PDE10A: variants seen among roughly 807,000 people sequenced by gnomAD.
PDE10A encodes cAMP and cAMP-inhibited cGMP 3',5'-cyclic phosphodiesterase 10A.
Under a neutral mutation model 97.7 loss-of-function variants are expected in PDE10A, and 39 were observed. The ratio of observed to expected loss-of-function variants is 0.40; its 90% CI spans 0.31 to 0.52. The LOEUF is 0.52. Among genes scored for constraint, PDE10A ranks in the 20% least tolerant of loss-of-function variants. PDE10A has a pLI of 0.56. For missense variants in PDE10A, 731 were observed against 1,047.8 expected (o/e 0.70, Z 4.17); for synonymous variants, 371 against 376.8 (o/e 0.98, Z 0.18).
At chr6:165,735,010 T>TAGATAGATAATAGGGAGGTAGAC (rs1348381129) in intron 1 of PDE10A, among the ~76,000 whole-genome samples, 4 of 131,414 alleles carry the variant, frequency 3.0e-5, no homozygotes, top group South Asian at 2.1e-4. Flanking sequence ...GGTAGGTAGG[T>TAGATAGATAATAGGGAGGTAGAC]AGATAGGTAG....
chr6:165,500,786 T>C lies in PDE10A; in HGVS notation c.995-18443A>G, dbSNP rs148088659. 7.0e-3 allele frequency among the ~76,000 whole-genome samples: 1,060 copies of C among 152,170 alleles called. 3 individuals carry two copies. Among genetic ancestry groups the C allele is most frequent in the Middle Eastern group, 0.01 (3 of 294 alleles). Reference sequence around the variant, plus strand: ...GGCAATAGAATGTCTCCAGGGGCAATAGAATGTCTCGGTGTAAAACCCGAT... The same window carrying C: ...GGCAATAGAATGTCTCCAGGGGCAACAGAATGTCTCGGTGTAAAACCCGAT... On this transcript the variant is annotated intron_variant, in intron 2 of 21. Transcript: ENST00000539869.
intron 2 of PDE10A, among the ~76,000 whole-genome samples, chr6:165,516,987 A>C (rs607078): frequency 0.59 from 89,765 of 151,812 alleles, 31,038 homozygotes; most frequent in Non-Finnish European, 0.75. Context: ...TAAAAAGTAC[A>C]ACCTTATATT....
intron 17 of PDE10A, among the ~76,000 whole-genome samples, chr6:165,384,609 C>CGTGT (rs1246259959): frequency 7.0e-6 from 1 of 141,866 alleles, no homozygotes; most frequent in African/African-American, 2.8e-5. Flanking sequence ...CCATGAGTAA[C>CGTGT]GTGTGTGTGT....
At chr6:165,596,163 G>A (rs991123596) in intron 1 of PDE10A, among the ~76,000 whole-genome samples, 8 of 152,166 alleles carry the variant, frequency 5.3e-5, no homozygotes, top group Non-Finnish European at 1.2e-4. Context: ...CTGAAACCCT[G>A]AAGCCATCAT....
chr6:165,770,022 T>C (rs1339555835), intron 1 of PDE10A, among the ~76,000 whole-genome samples: 1 of 152,190 alleles, frequency 6.6e-6, no homozygotes, highest in Non-Finnish European at 1.5e-5. Flanking sequence ...AAGACAGATG[T>C]ACTAACATCT....
At position 165,588,295 on chromosome 6, in the gene PDE10A, T is replaced by TC. The variant is rs1786043674; in HGVS notation, c.866-44728_866-44727insG. Among the ~76,000 whole-genome samples, 2 of 147,148 alleles carry TC rather than the reference T, an allele frequency of 1.4e-5. 1 individual carries two copies. The highest frequency in any genetic ancestry group is 4.4e-4 in the South Asian group (2 of 4,574). On this transcript the variant is annotated intron_variant, in intron 1 of 21. Coordinates refer to ENST00000539869, the MANE Select transcript of PDE10A (RefSeq NM_001385079.1). ...GATTTTTTTTTCTTTTTTTTTTTTTTTTTTTTTTTTTTGAGATGGAGTTTT... is the reference window on the plus strand; with the variant it reads ...GATTTTTTTTTCTTTTTTTTTTTTTTCTTTTTTTTTTTTGAGATGGAGTTTT...
chr6:165,691,371 T>C (rs555672637), intron 1 of PDE10A, among the ~76,000 whole-genome samples: 1 of 152,078 alleles, frequency 6.6e-6, no homozygotes, highest in East Asian at 1.9e-4. Flanking sequence ...GCCTACAGAT[T>C]CAGTAAAGTC....
At chr6:165,359,631 C>T (rs1005416042) in intron 18 of PDE10A, among the ~76,000 whole-genome samples, 4 of 152,128 alleles carry the variant, frequency 2.6e-5, no homozygotes, top group African/African-American at 9.7e-5. Context: ...GATTTCCAGT[C>T]CTTCCCTGCT....
chr6:165,939,774 A>T (rs1319518578), intron 1 of PDE10A: 1 of 152,222 alleles, frequency 6.6e-6, no homozygotes, highest in Non-Finnish European at 1.5e-5. Flanking sequence ...TTTTAAGCTT[A>T]CACAACTCCT....
At chr6:165,373,667 G>T (rs1253343968) in intron 18 of PDE10A, among the ~76,000 whole-genome samples, 1 of 152,152 alleles carries the variant, frequency 6.6e-6, no homozygotes, top group East Asian at 1.9e-4. Flanking sequence ...GTGGAAGTCA[G>T]TGTGGCGATT....
intron 13 of PDE10A, among the ~76,000 whole-genome samples, chr6:165,412,755 GTTTCTCTAATTGA>G (rs1787970408): frequency 6.6e-6 from 1 of 152,102 alleles, no homozygotes; most frequent in Admixed American, 6.6e-5. Context: ...CAAAAAAGCA[GTTTCTCTAATTGA>G]TTAAGGGGGC....
chr6:165,809,946 T>C (rs1299718458), intron 1 of PDE10A, among the ~76,000 whole-genome samples: 1 of 152,136 alleles, frequency 6.6e-6, no homozygotes, highest in Non-Finnish European at 1.5e-5. Context: ...TATGATAAAT[T>C]CGCTCTGTGC....
intron 1 of PDE10A, among the ~76,000 whole-genome samples, chr6:165,783,578 T>C (rs1273353996): frequency 2.9e-5 from 3 of 103,090 alleles, no homozygotes; most frequent in African/African-American, 1.1e-4. Context: ...TGTTTTCTTA[T>C]GAAAGGAAAC....
At chr6:165,824,363 T>G in intron 1 of PDE10A, among the ~76,000 whole-genome samples, 1 of 152,242 alleles carries the variant, frequency 6.6e-6, no homozygotes, top group East Asian at 1.9e-4. Flanking sequence ...ATGTCGAAAT[T>G]TTCAATGAGT....
intron 1 of PDE10A, among the ~76,000 whole-genome samples, chr6:165,720,659 A>G (rs1438537300): frequency 6.6e-6 from 1 of 152,190 alleles, no homozygotes; most frequent in African/African-American, 2.4e-5. Context: ...CCGCCCTGAG[A>G]AGCATCTTTG....
chr6:165,575,092 G>T (rs1785235002), intron 1 of PDE10A, among the ~76,000 whole-genome samples: 1 of 152,002 alleles, frequency 6.6e-6, no homozygotes, highest in African/African-American at 2.4e-5. Context: ...TCTCCCATTT[G>T]AATTAACTTT....
At chr6:165,436,924 T>C (rs978333010) in intron 5 of PDE10A, among the ~76,000 whole-genome samples, 10 of 152,034 alleles carry the variant, frequency 6.6e-5, no homozygotes, top group East Asian at 3.9e-4. Context: ...ACAAAAAGAA[T>C]AGATAAATGC....
At chr6:165,437,697 T>C (rs953066807) in intron 5 of PDE10A, among the ~76,000 whole-genome samples, 2 of 152,190 alleles carry the variant, frequency 1.3e-5, no homozygotes, top group Non-Finnish European at 1.5e-5. Flanking sequence ...ATTGAATACA[T>C]TGTGATATGA....
chr6:165,691,975 A>C (rs1342034898), intron 1 of PDE10A, among the ~76,000 whole-genome samples: 2 of 152,250 alleles, frequency 1.3e-5, no homozygotes, highest in Non-Finnish European at 2.9e-5. Context: ...ACTGATAAGC[A>C]GGCAGCTTAT....
Sources: gnomAD v4.1 joint callset for allele counts (sites outside exome capture counted in the v4.1 genomes callset) on GRCh38, gnomAD v4.1.1 for gene constraint, MANE v1.5 for transcripts, NCBI Gene and HGNC (gene_info 2026-07-23, HGNC 2026-07-21) for gene names.